The following NHSL1 variants were observed in gnomAD, a reference collection of about 807,000 sequenced individuals.
The protein encoded by NHSL1 is NHS like 1.
A neutral mutation model predicts 95.0 loss-of-function variants in NHSL1; 48 were observed. That is an observed-to-expected ratio of 0.51 (90% CI 0.40 to 0.64). NHSL1 has a LOEUF of 0.64. Among genes scored for constraint, NHSL1 ranks in the 30% least tolerant of loss-of-function variants. The pLI is 0.00. For missense variants in NHSL1, 1,971 were observed against 2,077.7 expected (o/e 0.95, Z 1.00); for synonymous variants, 783 against 833.9 (o/e 0.94, Z 1.05).
chr6:138,432,014 C>T lies in NHSL1; in HGVS notation c.2331G>A (p.Thr777=), dbSNP rs761956891. The T allele has an allele frequency of 2.3e-5, 36 of 1,551,618 alleles. No homozygotes were observed. The highest frequency in any genetic ancestry group is 2.3e-4 in the South Asian group (19 of 84,064). ...AGTCAATGTAATAACCCCAGGGGTC[C>T]GTGTACTCTGACTTGACGCTGCTTG... The part of the protein sequence containing the change: ...SDTSSVKSEY[T]DPWGYYIDYT... Residue 777 remains threonine, a synonymous_variant, in exon 6 of 8, where the codon ACG becomes ACA. Transcript: ENST00000343505. The surrounding 1 kb of genome is among the most constrained non-coding windows in gnomAD (Gnocchi z 4.4).
upstream of NHSL1, among the ~76,000 whole-genome samples, chr6:138,503,345 T>C (rs1405338520): frequency 1.3e-5 from 2 of 152,200 alleles, no homozygotes; most frequent in Non-Finnish European, 2.9e-5. Context: ...GCTATTTACT[T>C]ATTTCCCCTT....
chr6:138,603,603 T>C (rs139960725), intron 1 of NHSL1, among the ~76,000 whole-genome samples: 123 of 152,324 alleles, frequency 8.1e-4, no homozygotes, highest in Admixed American at 6.9e-3. Context: ...CAAAGTCTAA[T>C]GACAGAAGAC....
At chr6:138,451,903 G>A (rs1253296968) in intron 3 of NHSL1, among the ~76,000 whole-genome samples, 1 of 152,186 alleles carries the variant, frequency 6.6e-6, no homozygotes, top group African/African-American at 2.4e-5. Flanking sequence ...AAAACAGTGT[G>A]TACCAGCATC....
intron 4 of NHSL1, among the ~76,000 whole-genome samples, chr6:138,442,852 C>T (rs1776617327): frequency 6.6e-6 from 1 of 151,984 alleles, no homozygotes; most frequent in African/African-American, 2.4e-5. Context: ...TTTTTTCCTT[C>T]TAGAGTGTAG....
rs140593320 is a variant in NHSL1, at chr6:138,566,755, C to G, written c.202+4955G>C. Among the ~76,000 whole-genome samples, 3 of 151,590 alleles carry G rather than the reference C, an allele frequency of 2.0e-5. No individual in the cohort carries two copies. In the East Asian group the frequency reaches 5.8e-4, roughly 29 times the overall value. On this transcript the variant is annotated intron_variant, in intron 1 of 6. Coordinates refer to the NHSL1 transcript ENST00000427025. ...TAAAATGAACAAGGCAGTGAGACAA[C>G]AGAGTCCCAACTTCAGAAGAAAAAA... is the stretch of plus-strand genomic sequence containing the variant.
At chr6:138,441,094 G>A (rs1249848040) in intron 5 of NHSL1, among the ~76,000 whole-genome samples, 5 of 152,174 alleles carry the variant, frequency 3.3e-5, no homozygotes, top group Non-Finnish European at 7.4e-5. Flanking sequence ...AACCCTAAGA[G>A]GTAGGTTCTA....
rs528307855 is a variant in NHSL1, at chr6:138,476,542, G to A, written c.212-3109C>T. On this transcript the variant is annotated intron_variant, in intron 2 of 7. Coordinates refer to ENST00000343505, the MANE Select transcript of NHSL1 (RefSeq NM_001144060.2). Reference sequence around the variant, plus strand: ...GGGTGAGGGTTAAAAATTACCTACTGGGGGCCCGCGCCAGTAGCTCACGCC... The same window carrying A: ...GGGTGAGGGTTAAAAATTACCTACTAGGGGCCCGCGCCAGTAGCTCACGCC... 3.3e-5 allele frequency among the ~76,000 whole-genome samples: 5 copies of A among 152,060 alleles called. No individual in the cohort carries two copies. The South Asian group carries it at 1.0e-3, about 32-fold the overall frequency.
At chr6:138,630,390 TTTTG>T (rs1357774227) in intron 1 of NHSL1, among the ~76,000 whole-genome samples, 4 of 152,306 alleles carry the variant, frequency 2.6e-5, no homozygotes, top group East Asian at 1.9e-4. Context: ...TCTCGTGTTT[TTTTG>T]TTTGTTTGTT....
chr6:138,567,669 C>T (rs1783670758), intron 1 of NHSL1, among the ~76,000 whole-genome samples: 1 of 151,992 alleles, frequency 6.6e-6, no homozygotes, highest in African/African-American at 2.4e-5. Flanking sequence ...ATCCAACTCC[C>T]ACACTCAAAA....
At chr6:138,645,190 C>A (rs933387063) in intron 1 of NHSL1, among the ~76,000 whole-genome samples, 3 of 152,178 alleles carry the variant, frequency 2.0e-5, no homozygotes, top group African/African-American at 7.2e-5. Flanking sequence ...ATATGATAAT[C>A]ATTTTCAATA....
At position 138,610,769 on chromosome 6, in the gene NHSL1, C is replaced by A. The variant is rs914974358; in HGVS notation, c.96+81707G>T. On this transcript the variant is annotated intron_variant, in intron 1 of 3. Coordinates refer to the NHSL1 transcript ENST00000491526. ...AGCCAAGAATGAGACAGGTGGCCTC[C>A]CTGCATCTGAAAATAAAGGCATTAT... Among the ~76,000 whole-genome samples, 7 of 151,968 alleles carry A rather than the reference C, an allele frequency of 4.6e-5. No individual in the cohort carries two copies. The East Asian group carries it at 7.7e-4, about 17-fold the overall frequency.
At chr6:138,622,180 TGAA>T (rs552400479) in intron 1 of NHSL1, among the ~76,000 whole-genome samples, 76 of 152,224 alleles carry the variant, frequency 5.0e-4, no homozygotes, top group Non-Finnish European at 8.8e-4. Flanking sequence ...GGGAATGATA[TGAA>T]GAAGAAGTGC....
intron 1 of NHSL1, among the ~76,000 whole-genome samples, chr6:138,556,642 G>A (rs1783204134): frequency 6.6e-6 from 1 of 151,194 alleles, no homozygotes; most frequent in Admixed American, 6.6e-5. Context: ...TCTCTGCACT[G>A]GGATATTAGT....
chr6:138,688,110 C>A (rs796430643), intron 1 of NHSL1, among the ~76,000 whole-genome samples: 6 of 152,202 alleles, frequency 3.9e-5, no homozygotes, highest in African/African-American at 1.4e-4. Context: ...TGCCCCTATG[C>A]CCAGCTAATT....
chr6:138,474,813 C>A (rs1408797450), intron 2 of NHSL1, among the ~76,000 whole-genome samples: 5 of 152,144 alleles, frequency 3.3e-5, no homozygotes, highest in Admixed American at 3.3e-4. Flanking sequence ...TTCACATTTT[C>A]TCCATTTGAC....
chr6:138,484,172 G>C (rs1779588310), intron 2 of NHSL1, among the ~76,000 whole-genome samples: 1 of 152,162 alleles, frequency 6.6e-6, no homozygotes, highest in Non-Finnish European at 1.5e-5. Flanking sequence ...GGATTAAAAA[G>C]CTAACTGCAT....
chr6:138,672,973 C>T (rs1376911390), intron 1 of NHSL1, among the ~76,000 whole-genome samples: 1 of 152,086 alleles, frequency 6.6e-6, no homozygotes, highest in Non-Finnish European at 1.5e-5. Context: ...GCCGAGATCG[C>T]ACCACTGCAC....
chr6:138,676,342 G>A (rs553680959), intron 1 of NHSL1, among the ~76,000 whole-genome samples: 16 of 151,896 alleles, frequency 1.1e-4, no homozygotes, highest in African/African-American at 3.9e-4. Flanking sequence ...CATTATTAAG[G>A]TCCAGTCCTT....
Position 138,465,728 on chromosome 6 carries a change from T to TC in NHSL1, c.339+7577_339+7578insG, listed in dbSNP as rs1192309209. On this transcript the variant is annotated intron_variant, in intron 3 of 7. Transcript: ENST00000343505. ...TCCTACACTTTTTTTTCTTTTCTTT[T>TC]TTTTTTTTTTTTTGAGACAGAGTCT... Among the ~76,000 whole-genome samples, 5 of 137,076 alleles carry TC rather than the reference T, an allele frequency of 3.6e-5. No individual in the cohort carries two copies. In the Middle Eastern group the frequency reaches 0.011, roughly 294 times the overall value. 89.9% of individuals were successfully genotyped at this position (137,076 alleles called of 152,430 possible). A position where few individuals can be genotyped will look rare whatever the true frequency, so the allele number is the denominator to read the frequency against.
Sources: allele counts gnomAD v4.1 joint callset (sites outside exome capture counted in the v4.1 genomes callset), GRCh38; gene constraint gnomAD v4.1.1; non-coding constraint Gnocchi (gnomAD v3.1); transcripts MANE v1.5; gene names NCBI Gene and HGNC (gene_info 2026-07-23, HGNC 2026-07-21).